Variants in PTPRD observed in about 807,000 individuals in gnomAD.
PTPRD encodes the protein receptor-type tyrosine-protein phosphatase delta.
Under a neutral mutation model 214.5 loss-of-function variants are expected in PTPRD, and 34 were observed. The ratio of observed to expected loss-of-function variants is 0.16; its 90% CI spans 0.12 to 0.21. PTPRD has a LOEUF of 0.21. Among genes scored for constraint, PTPRD ranks in the 10% least tolerant of loss-of-function variants. The probability of loss-of-function intolerance (pLI) is 1.00; values close to 1 mark genes in which losing one functional copy is unlikely to be tolerated. For synonymous variants in PTPRD, 1,128 were observed against 845.7 expected (o/e 1.33, Z -5.79); for missense variants, 2,545 against 2,398.7 (o/e 1.06, Z -1.27).
chr9:10,229,330 G>C (rs2099600207), intron 3 of PTPRD, among the ~76,000 whole-genome samples: 1 of 151,990 alleles, frequency 6.6e-6, no homozygotes, highest in Admixed American at 6.6e-5. Flanking sequence ...AATACCATTT[G>C]ACCCAGCCAT....
chr9:8,655,776 C>T (rs1172890146), intron 12 of PTPRD, among the ~76,000 whole-genome samples: 9 of 150,836 alleles, frequency 6.0e-5, no homozygotes, highest in South Asian at 2.1e-4. Flanking sequence ...CTCCTTCACC[C>T]TTTTCTTTTA....
At chr9:9,846,492 A>T (rs558188849) in intron 5 of PTPRD, among the ~76,000 whole-genome samples, 75 of 152,324 alleles carry the variant, frequency 4.9e-4, no homozygotes, top group African/African-American at 1.7e-3. Context: ...TCAAGTTATT[A>T]TAAAATAAAT....
intron 9 of PTPRD, among the ~76,000 whole-genome samples, chr9:9,394,474 T>A (rs966270524): frequency 6.6e-6 from 1 of 152,172 alleles, no homozygotes; most frequent in Admixed American, 6.6e-5. Context: ...AGCCAGAATA[T>A]CTGAGTTTGA....
chr9:9,911,541 C>A (rs2079190110), intron 5 of PTPRD, among the ~76,000 whole-genome samples: 1 of 150,106 alleles, frequency 6.7e-6, no homozygotes, highest in Admixed American at 6.6e-5. Flanking sequence ...AAATAAAATG[C>A]AGTGTAAAAT....
chr9:8,466,545 A>C (rs1010868951), intron 31 of PTPRD, among the ~76,000 whole-genome samples: 1 of 151,914 alleles, frequency 6.6e-6, no homozygotes, highest in East Asian at 1.9e-4. Flanking sequence ...GGTTATGAAC[A>C]CTGATTTCAA....
intron 2 of PTPRD, among the ~76,000 whole-genome samples, chr9:10,611,538 G>C (rs927920669): frequency 6.6e-5 from 10 of 152,140 alleles, no homozygotes; most frequent in Non-Finnish European, 1.3e-4. Flanking sequence ...TTTGTAGAAA[G>C]AAGAGTGTCC....
chr9:8,832,410 C>CTTTTTTT lies in PTPRD; in HGVS notation c.-103-98471_-103-98465dup, dbSNP rs5896262. On this transcript the variant is annotated intron_variant, in intron 11 of 45. Transcript: ENST00000381196. ...TAAAGCAAGGGGCAGCTAAAATCATCTTTTTTTTTTTTTTTTTTTGTCAAA... is the reference window on the plus strand; with the variant it reads ...TAAAGCAAGGGGCAGCTAAAATCATCTTTTTTTTTTTTTTTTTTTTTTTTTTGTCAAA... Among the ~76,000 whole-genome samples, 34 of 127,966 alleles carry CTTTTTTT rather than the reference C, an allele frequency of 2.7e-4. 15 individuals carry two copies. Among genetic ancestry groups the CTTTTTTT allele is most frequent in the Non-Finnish European group, 2.6e-4 (16 of 62,068 alleles). The allele number at this position is 127,966 out of a possible 152,430, so 84.0% of individuals were successfully genotyped here.
intron 7 of PTPRD, among the ~76,000 whole-genome samples, chr9:9,655,020 G>C (rs567646014): frequency 1.4e-3 from 214 of 151,780 alleles, no homozygotes; most frequent in African/African-American, 4.7e-3. Flanking sequence ...TAGATATATA[G>C]ATATAGATAT....
intron 5 of PTPRD, among the ~76,000 whole-genome samples, chr9:9,862,892 A>T (rs959160436): frequency 6.6e-6 from 1 of 152,192 alleles, no homozygotes; most frequent in Non-Finnish European, 1.5e-5. Flanking sequence ...ATGTTTTAGT[A>T]GAAAAAACAC....
At chr9:9,698,073 T>C (rs2097417503) in intron 7 of PTPRD, among the ~76,000 whole-genome samples, 1 of 152,174 alleles carries the variant, frequency 6.6e-6, no homozygotes, top group African/African-American at 2.4e-5. Flanking sequence ...AATTAATGAG[T>C]TTCCTTCAGA....
chr9:8,605,795 C>G (rs2095172250), intron 14 of PTPRD, among the ~76,000 whole-genome samples: 1 of 152,136 alleles, frequency 6.6e-6, no homozygotes, highest in Non-Finnish European at 1.5e-5. Context: ...CTGCTCATCT[C>G]TATGGAAGTT....
rs139573415 is a variant in PTPRD, at chr9:9,782,087, G to A, written c.-367-15236C>T. On this transcript the variant is annotated intron_variant, in intron 5 of 45. Coordinates refer to ENST00000381196, the MANE Select transcript of PTPRD (RefSeq NM_002839.4). ...ATTACAGGCGTGAGCCACCGCACCCGGCCTTTGGACTCAATTTTGATACCT... is the reference window on the plus strand; with the variant it reads ...ATTACAGGCGTGAGCCACCGCACCCAGCCTTTGGACTCAATTTTGATACCT... 7.2e-5 allele frequency among the ~76,000 whole-genome samples: 11 copies of A among 152,048 alleles called. No homozygotes were observed. The East Asian group carries it at 2.1e-3, about 30-fold the overall frequency.
intron 23 of PTPRD, among the ~76,000 whole-genome samples, chr9:8,503,441 A>C (rs2097461279): frequency 6.6e-6 from 1 of 152,162 alleles, no homozygotes; most frequent in Non-Finnish European, 1.5e-5. Flanking sequence ...TTCAAGGTAA[A>C]TAGTATTTTT....
At position 9,327,842 on chromosome 9, in the gene PTPRD, T is replaced by C. The variant is rs2040613731; in HGVS notation, c.-203+69607A>G. ...ATCTTTTGGCTTCCCTGGGCCACGTTGGAAGAAGAATTGTTTTGGGCCACA... is the reference window on the plus strand; with the variant it reads ...ATCTTTTGGCTTCCCTGGGCCACGTCGGAAGAAGAATTGTTTTGGGCCACA... On this transcript the variant is annotated intron_variant, in intron 9 of 45. Coordinates refer to ENST00000381196, the MANE Select transcript of PTPRD (RefSeq NM_002839.4). Among the ~76,000 whole-genome samples, 3 of 151,608 alleles carry C rather than the reference T, an allele frequency of 2.0e-5. No individual in the cohort carries two copies. The South Asian group carries it at 6.2e-4, about 31-fold the overall frequency.
At chr9:8,817,963 T>C (rs1600765075) in intron 11 of PTPRD, among the ~76,000 whole-genome samples, 1 of 152,306 alleles carries the variant, frequency 6.6e-6, no homozygotes, top group Non-Finnish European at 1.5e-5. Flanking sequence ...GCATCATCAA[T>C]ACCATTAAAC....
chr9:8,388,633 C>T (rs2088148131), intron 37 of PTPRD, among the ~76,000 whole-genome samples: 1 of 152,130 alleles, frequency 6.6e-6, no homozygotes, highest in African/African-American at 2.4e-5. Context: ...TTTCTTGGAC[C>T]TTACCAAGCT....
At chr9:8,586,360 A>T (rs768369264) in intron 14 of PTPRD, among the ~76,000 whole-genome samples, 1 of 152,124 alleles carries the variant, frequency 6.6e-6, no homozygotes, top group Non-Finnish European at 1.5e-5. Flanking sequence ...ACCAGCATTG[A>T]TTCTTCTGTA....
rs990404545 is a variant in PTPRD at position 9,211,515 on chromosome 9, G to GCGCACACA, written c.-202-28153_-202-28152insTGTGTGCG. Among the ~76,000 whole-genome samples the GCGCACACA allele has an allele frequency of 1.0e-3, 148 of 143,650 alleles. 1 individual carries two copies. The highest frequency in any genetic ancestry group is 2.1e-3 in the East Asian group (10 of 4,688). 94.2% of individuals were successfully genotyped at this position (143,650 alleles called of 152,430 possible). Reference sequence around the variant, plus strand: ...CCTTCCTCTCCCCCAGTGTGCGCACGCACACACACACACACACACACACAC... The same window carrying GCGCACACA: ...CCTTCCTCTCCCCCAGTGTGCGCACGCGCACACACACACACACACACACACACACACAC... On this transcript the variant is annotated intron_variant, in intron 9 of 45. Coordinates refer to ENST00000381196, the MANE Select transcript of PTPRD (RefSeq NM_002839.4).
chr9:9,859,652 G>C (rs755875209), intron 5 of PTPRD, among the ~76,000 whole-genome samples: 1 of 152,100 alleles, frequency 6.6e-6, no homozygotes, highest in African/African-American at 2.4e-5. Context: ...TAAATAAGCT[G>C]GTATTCTGAT....
Sources: gnomAD v4.1 joint callset for allele counts (sites outside exome capture counted in the v4.1 genomes callset) on GRCh38, gnomAD v4.1.1 for gene constraint, MANE v1.5 for transcripts, NCBI Gene and HGNC (gene_info 2026-07-23, HGNC 2026-07-21) for gene names.